LAMA1: variants seen among roughly 807,000 people sequenced by gnomAD.
The protein encoded by LAMA1 is laminin subunit alpha 1.
LAMA1 carries 219 observed loss-of-function variants against 348.7 expected under a neutral mutation model. The observed-to-expected ratio is 0.63, with a 90% CI of 0.56 to 0.70. The LOEUF is 0.70. Among genes scored for constraint, LAMA1 ranks in the 30% least tolerant of loss-of-function variants. The pLI, the probability that LAMA1 is intolerant of heterozygous loss-of-function variation, is 0.00. For missense variants in LAMA1, 3,744 were observed against 3,888.0 expected, an observed-to-expected ratio of 0.96 and a Z score of 0.99; for synonymous variants, 1,487 against 1,491.0, an observed-to-expected ratio of 1.00 and a Z score of 0.06.
intron 36 of LAMA1, among the ~76,000 whole-genome samples, chr18:6,988,056 G>A (rs1465391499): frequency 1.3e-5 from 2 of 152,150 alleles, no homozygotes. Flanking sequence ...GGAGGTTGCA[G>A]TGAGCTGAGA....
chr18:6,965,608 C>T (rs1199778235), intron 49 of LAMA1, 176 bp from the exon 50 acceptor site: 7 of 645,416 alleles, frequency 1.1e-5, no homozygotes, highest in Non-Finnish European at 1.9e-5. Flanking sequence ...CTTTCTAGAA[C>T]ACTACACTAA....
chr18:6,961,992 C>A lies in LAMA1; in HGVS notation c.7405G>T (p.Asp2469Tyr). The change falls in exon 52 of 63, where the codon GAC (aspartate) becomes TAC (tyrosine). Residue 2469 changes from aspartate (D) to tyrosine (Y), a missense_variant. Physicochemically the swap from Asp to Tyr is radical, Grantham distance 160. Transcript: ENST00000389658. The part of the protein sequence containing the change: ...KNLEISRSTF[D>Y]LLRNSYGVRK... ...ACTCCATAGGAATTTCTGAGTAAGTCAAAGGTTGATCTGGATATTTCCAGG... is the reference window on the plus strand; with the variant it reads ...ACTCCATAGGAATTTCTGAGTAAGTAAAAGGTTGATCTGGATATTTCCAGG... The A allele has an allele frequency of 1.2e-6, 2 of 1,614,194 alleles. No homozygotes were observed. Among genetic ancestry groups the A allele is most frequent in the Non-Finnish European group, 1.7e-6 (2 of 1,180,048 alleles).
intron 5 of LAMA1, 36 bp from the exon 6 acceptor site, chr18:7,046,403 C>T (rs1471677236): frequency 2.3e-6 from 3 of 1,283,232 alleles, no homozygotes; most frequent in Non-Finnish European, 3.4e-6. Context: ...AAAATTAAAA[C>T]CTAGATTTCA....
chr18:7,080,230 C>A, intron 2 of LAMA1, 57 bp downstream of exon 2: 2 of 1,611,230 alleles, frequency 1.2e-6, no homozygotes, highest in South Asian at 2.2e-5. Context: ...TCTCAGTCCT[C>A]ATTTCACAAA....
At chr18:7,024,121 T>C (rs2057931727) in intron 18 of LAMA1, among the ~76,000 whole-genome samples, 1 of 152,034 alleles carries the variant, frequency 6.6e-6, no homozygotes, top group African/African-American at 2.4e-5. Context: ...TGGCATTACA[T>C]GTGTGGGCCA....
At chr18:6,962,439 G>A (rs2057612796) in intron 51 of LAMA1, among the ~76,000 whole-genome samples, 1 of 113,034 alleles carries the variant, frequency 8.8e-6, no homozygotes, top group Non-Finnish European at 1.8e-5. Context: ...GGGGGGTGGG[G>A]GGAACCCTAT....
intron 1 of LAMA1, among the ~76,000 whole-genome samples, chr18:7,086,177 T>C (rs1303466656): frequency 1.3e-5 from 2 of 152,182 alleles, no homozygotes; most frequent in Non-Finnish European, 2.9e-5. Context: ...GACCGAGCTT[T>C]TCCTGACCCC....
chr18:7,037,143 G>C (rs2057998845), intron 12 of LAMA1, among the ~76,000 whole-genome samples: 1 of 152,202 alleles, frequency 6.6e-6, no homozygotes, highest in African/African-American at 2.4e-5. Context: ...CTCAAAGTGA[G>C]GGAGCAGCAC....
At chr18:6,947,007 A>C (rs1413960890) in intron 61 of LAMA1, among the ~76,000 whole-genome samples, 156 bp downstream of exon 61, 1 of 152,220 alleles carries the variant, frequency 6.6e-6, no homozygotes, top group African/African-American at 2.4e-5. Flanking sequence ...TAAACCAAAA[A>C]GGTTTTCTTG....
chr18:7,020,850 C>T (rs954286976), intron 19 of LAMA1, among the ~76,000 whole-genome samples: 5 of 152,196 alleles, frequency 3.3e-5, no homozygotes, highest in Admixed American at 1.3e-4. Context: ...CCCTCCTCAA[C>T]GCTGGCAGCA....
intron 16 of LAMA1, among the ~76,000 whole-genome samples, chr18:7,030,373 T>C (rs1389819412): frequency 6.6e-6 from 1 of 152,182 alleles, no homozygotes; most frequent in Non-Finnish European, 1.5e-5. Flanking sequence ...TCTGAGGAAC[T>C]TTCCTAGAGG....
At chr18:6,976,955 T>C (rs2057685479) in intron 44 of LAMA1, among the ~76,000 whole-genome samples, 1 of 152,152 alleles carries the variant, frequency 6.6e-6, no homozygotes, top group Non-Finnish European at 1.5e-5. Context: ...AAGCCAGAGC[T>C]CATGGAAACC....
intron 56 of LAMA1, chr18:6,955,979 C>A: frequency 3.2e-6 from 1 of 311,112 alleles, no homozygotes; most frequent in South Asian, 3.0e-5. Flanking sequence ...CTGAACCCCA[C>A]GCAACCATCT....
chr18:7,011,544 T>C, intron 24 of LAMA1, 65 bp from the exon 25 acceptor site: 1 of 1,414,338 alleles, frequency 7.1e-7, no homozygotes, highest in Non-Finnish European at 9.8e-7. Flanking sequence ...GTTTCATTCT[T>C]TAGATTCCAT....
At chr18:7,070,844 G>A (rs765120614) in intron 3 of LAMA1, among the ~76,000 whole-genome samples, 10 of 151,102 alleles carry the variant, frequency 6.6e-5, no homozygotes, top group Admixed American at 4.6e-4. Flanking sequence ...AATGTTCTCC[G>A]GCTTTAAAAG....
intron 41 of LAMA1, 111 bp downstream of exon 41, chr18:6,982,386 A>T: frequency 1.1e-6 from 1 of 900,572 alleles, no homozygotes; most frequent in East Asian, 2.4e-5. Flanking sequence ...AATGGGACAC[A>T]GAAATGCTAA....
chr18:7,109,909 T>C (rs774663779), intron 1 of LAMA1, among the ~76,000 whole-genome samples: 17 of 151,922 alleles, frequency 1.1e-4, no homozygotes, highest in Non-Finnish European at 2.2e-4. Flanking sequence ...GCTGGCCGGG[T>C]GCGGTGGCTC....
At chr18:7,056,505 CT>C (rs2058082755) in intron 3 of LAMA1, among the ~76,000 whole-genome samples, 1 of 152,130 alleles carries the variant, frequency 6.6e-6, no homozygotes, top group Non-Finnish European at 1.5e-5. Flanking sequence ...CATTTGGAAA[CT>C]GATGAAGAGA....
At chr18:6,977,968 G>A (rs2057690233) in intron 43 of LAMA1, 87 bp from the exon 44 acceptor site, 2 of 1,426,542 alleles carry the variant, frequency 1.4e-6, no homozygotes, top group African/African-American at 1.4e-5. Context: ...CAATGCACTT[G>A]GTAAAACAAC....
Sources: allele counts gnomAD v4.1 joint callset (sites outside exome capture counted in the v4.1 genomes callset), GRCh38; gene constraint gnomAD v4.1.1; transcripts MANE v1.5; gene names NCBI Gene and HGNC (gene_info 2026-07-23, HGNC 2026-07-21).